Variants in ZNF107 observed in about 807,000 individuals in gnomAD.
ZNF107 encodes the protein C2H2 type zinc-finger protein.
Under a neutral mutation model 12.3 loss-of-function variants are expected in ZNF107, and 19 were observed. The observed-to-expected ratio is 1.55, with a 90% confidence interval of 1.08 to 2.27. The LOEUF (loss-of-function observed/expected upper bound fraction) is 2.27. Among genes scored for constraint, ZNF107 ranks in the 30% most tolerant of loss-of-function variants. The pLI is 0.00. For missense variants in ZNF107, 958 were observed against 979.9 expected, an observed-to-expected ratio of 0.98 and a Z score of 0.30; for synonymous variants, 317 against 330.5, an observed-to-expected ratio of 0.96 and a Z score of 0.44.
chr7:64,694,778 A>G (rs996163832), intron 3 of ZNF107, among the ~76,000 whole-genome samples: 1 of 152,120 alleles, frequency 6.6e-6, no homozygotes, highest in Non-Finnish European at 1.5e-5. Context: ...GTCACTCTGT[A>G]TACATTTTTG....
chr7:64,672,075 C>T (rs1005745934), intron 1 of ZNF107, among the ~76,000 whole-genome samples: 10 of 152,216 alleles, frequency 6.6e-5, no homozygotes, highest in Middle Eastern at 3.4e-3. Flanking sequence ...AGTGAGCCAC[C>T]GCGCCCGGCT....
intron 3 of ZNF107, among the ~76,000 whole-genome samples, chr7:64,700,506 C>CGTTT (rs368830901): frequency 3.0e-5 from 2 of 66,252 alleles, no homozygotes; most frequent in African/African-American, 1.2e-4. Flanking sequence ...CCAAATAAAC[C>CGTTT]TTTTTTTTTT....
chr7:64,671,086 G>C (rs73361879), intron 1 of ZNF107, among the ~76,000 whole-genome samples: 7,127 of 152,092 alleles, frequency 0.047, 448 homozygotes, highest in African/African-American at 0.14. Context: ...CCAAAAGAAA[G>C]ATATCACAGA....
chr7:64,699,573 C>T lies in ZNF107; in HGVS notation c.227-6751C>T, dbSNP rs113128601. On this transcript the variant is annotated intron_variant, in intron 3 of 3. Coordinates refer to ENST00000620827, the MANE Select transcript of ZNF107 (RefSeq NM_001282359.2). ...CTGAGTAGCTAGGACTACAGACATA[C>T]TATGGGACCACCATGTCTGGATAAT... Among the ~76,000 whole-genome samples the T allele has an allele frequency of 2.0e-3, 306 of 152,236 alleles. 3 individuals are homozygous for T. The highest frequency in any genetic ancestry group is 6.5e-3 in the African/African-American group (270 of 41,540).
rs953634327 is a variant in ZNF107 at position 64,711,040 on chromosome 7, C to T, written c.*2384C>T. On this transcript the variant is annotated 3_prime_UTR_variant, in exon 4 of 4. Transcript: ENST00000620827. ...TGTGTTTAAAAATTTTTGGATTATG[C>T]GTGAACTTAGTTTTTTAATTAAACT... is the stretch of plus-strand genomic sequence containing the variant. 2.6e-5 allele frequency: 4 copies of T among 152,004 alleles called. No homozygotes were observed. Among genetic ancestry groups the T allele is most frequent in the Non-Finnish European group, 5.9e-5 (4 of 67,936 alleles). The allele number at this position is 152,004 out of a possible 1,614,324, so 9.4% of individuals were successfully genotyped here.
intron 1 of ZNF107, chr7:64,684,706 T>G (rs894818083): frequency 2.0e-6 from 2 of 985,176 alleles, no homozygotes; most frequent in African/African-American, 3.5e-5. Context: ...CACCTTAGAT[T>G]CTCTCTTAAA....
Position 64,709,754 on chromosome 7 carries a change from A to G in ZNF107, c.*1098A>G. The G allele has an allele frequency of 2.2e-6, 1 of 455,408 alleles. No homozygotes were observed. The highest frequency in any genetic ancestry group is 1.6e-5 in the South Asian group (1 of 64,304). The allele number at this position is 455,408 out of a possible 1,614,324, so 28.2% of individuals were successfully genotyped here. The stretch of plus-strand genomic sequence containing the variant: ...ATCTGCTCAGATTTTACTCAACATT[A>G]GAGAGTTAGTACGTAATAAAAGCAT... On this transcript the variant is annotated 3_prime_UTR_variant, in exon 4 of 4. Transcript: ENST00000620827.
chr7:64,685,089 T>C (rs1484713646), intron 1 of ZNF107, among the ~76,000 whole-genome samples: 1 of 151,506 alleles, frequency 6.6e-6, no homozygotes, highest in African/African-American at 2.4e-5. Context: ...TCTCCATCAA[T>C]GAAATGACCG....
chr7:64,701,167 T>A (rs2128966522), intron 3 of ZNF107, among the ~76,000 whole-genome samples: 1 of 152,342 alleles, frequency 6.6e-6, no homozygotes, highest in African/African-American at 2.4e-5. Flanking sequence ...TTAAAGCATA[T>A]TATGTCTAAT....
chr7:64,697,435 C>CA (rs894588979), intron 3 of ZNF107, among the ~76,000 whole-genome samples: 5 of 152,158 alleles, frequency 3.3e-5, no homozygotes, highest in Admixed American at 2.6e-4. Context: ...GTCCCACCAA[C>CA]AGTGTAAAAG....
chr7:64,706,972 A>G lies in ZNF107; in HGVS notation c.875A>G (p.Lys292Arg), dbSNP rs1790674013. The G allele has an allele frequency of 6.2e-7, 1 of 1,613,498 alleles. No homozygotes were observed. Among genetic ancestry groups the G allele is most frequent in the African/African-American group, 1.3e-5 (1 of 74,902 alleles). The change falls in exon 4 of 4, where the codon AAA becomes AGA. Residue 292 changes from lysine (K) to arginine (R), a missense_variant. Physicochemically the swap from Lys to Arg is conservative, Grantham distance 26. Coordinates refer to ENST00000620827, the MANE Select transcript of ZNF107 (RefSeq NM_001282359.2). The stretch of plus-strand genomic sequence containing the variant: ...CCTTACAAATATGAAGAATGTGGCA[A>G]AGTCTTTAGCCAGTCCTCACACCTT... ...EKPYKYEECG[K>R]VFSQSSHLTT...
In ZNF107 at chr7:64,708,039, C is replaced by A. The variant is rs377177391; in HGVS notation, c.1942C>A (p.Leu648Ile). ...AAAGATAATTCATACTGGAGAGAAC[C>A]TCTACAAATTTGAAGAACATGGAAA... ...TQKIIHTGEN[L>I]YKFEEHGKAF... The change falls in exon 4 of 4, where the codon CTC becomes ATC. Residue 648 changes from leucine to isoleucine, a missense_variant. Leu to Ile is a conservative substitution (Grantham distance 5, BLOSUM62 2). Coordinates refer to ENST00000620827, the MANE Select transcript of ZNF107 (RefSeq NM_001282359.2). 6 of 1,613,298 alleles carry A rather than the reference C, an allele frequency of 3.7e-6. No individual in the cohort carries two copies. In the African/African-American group the frequency reaches 8.0e-5, roughly 22 times the overall value.
chr7:64,701,660 A>G (rs942884465), intron 3 of ZNF107, among the ~76,000 whole-genome samples: 2 of 152,088 alleles, frequency 1.3e-5, no homozygotes, highest in East Asian at 1.9e-4. Flanking sequence ...CACTCTGTCA[A>G]TCAGGCTGGC....
chr7:64,705,238 C>T (rs987623163), intron 3 of ZNF107, among the ~76,000 whole-genome samples: 15 of 151,834 alleles, frequency 9.9e-5, no homozygotes, highest in African/African-American at 2.4e-4. Context: ...TAAATATCTT[C>T]GTGTGTATTC....
intron 3 of ZNF107, among the ~76,000 whole-genome samples, chr7:64,695,413 G>A (rs1363876253): frequency 3.3e-5 from 5 of 151,876 alleles, no homozygotes; most frequent in Admixed American, 6.6e-5. Context: ...CTTTCTTAAT[G>A]GTACATCAAT....
intron 1 of ZNF107, among the ~76,000 whole-genome samples, chr7:64,690,717 A>C (rs184735464): frequency 3.3e-5 from 5 of 151,708 alleles, no homozygotes; most frequent in Non-Finnish European, 5.9e-5. Flanking sequence ...TCATCTGACT[A>C]TATTTAGCTT....
chr7:64,675,987 G>A (rs1057510871), intron 1 of ZNF107, among the ~76,000 whole-genome samples: 1 of 152,118 alleles, frequency 6.6e-6, no homozygotes, highest in South Asian at 2.1e-4. Flanking sequence ...GAGTAGCTGG[G>A]ATTACAGGCA....
chr7:64,677,005 G>A (rs1425671790), intron 1 of ZNF107, among the ~76,000 whole-genome samples: 1 of 152,052 alleles, frequency 6.6e-6, no homozygotes, highest in Non-Finnish European at 1.5e-5. Context: ...CATGAAAATT[G>A]TATACTTACC....
intron 3 of ZNF107, among the ~76,000 whole-genome samples, chr7:64,696,965 C>G (rs1367151337): frequency 6.6e-6 from 1 of 152,036 alleles, no homozygotes; most frequent in African/African-American, 2.4e-5. Context: ...TATCCCTCCC[C>G]CCTGCCCCCA....
Sources: gnomAD v4.1 joint callset for allele counts (sites outside exome capture counted in the v4.1 genomes callset) on GRCh38, gnomAD v4.1.1 for gene constraint, MANE v1.5 for transcripts, NCBI Gene and HGNC (gene_info 2026-07-23, HGNC 2026-07-21) for gene names.